ADGRG1: variants seen among roughly 807,000 people sequenced by gnomAD.
ADGRG1 encodes the protein 7-transmembrane protein with no EGF-like N-terminal domains-1.
A neutral mutation model predicts 73.5 loss-of-function variants in ADGRG1; 53 were observed. The observed-to-expected ratio is 0.72, with a 90% CI of 0.58 to 0.91. ADGRG1 has a LOEUF of 0.91. Ranked by LOEUF, ADGRG1 falls within the 40% of genes least tolerant of loss-of-function variation. The pLI, the probability that ADGRG1 is intolerant of heterozygous loss-of-function variation, is 0.00. For synonymous variants in ADGRG1, 394 were observed against 374.4 expected, an observed-to-expected ratio of 1.05 and a Z score of -0.60; for missense variants, 795 against 871.8, an observed-to-expected ratio of 0.91 and a Z score of 1.11.
intron 3 of ADGRG1, chr16:57,651,983 C>T: frequency 1.6e-6 from 2 of 1,235,370 alleles, no homozygotes; most frequent in Non-Finnish European, 2.0e-6. Flanking sequence ...GATCAAGAGC[C>T]CCAGGAAGAA....
At chr16:57,645,739 G>T (rs1302940984) in intron 1 of ADGRG1, among the ~76,000 whole-genome samples, 3 of 152,214 alleles carry the variant, frequency 2.0e-5, no homozygotes, top group African/African-American at 7.2e-5. Context: ...CTGTGAATCT[G>T]CATTTCAGCT....
rs1271221167 is a variant in ADGRG1, at chr16:57,653,492, G to GC, written c.620+163dup. The GC allele has an allele frequency of 3.0e-6, 3 of 985,104 alleles. No individual in the cohort carries two copies. In the African/African-American group the frequency reaches 5.2e-5, roughly 17 times the overall value. The allele number at this position is 985,104 out of a possible 1,614,324, so 61.0% of individuals were successfully genotyped here. On this transcript the variant is annotated intron_variant, in intron 4 of 13. Transcript: ENST00000562631. ...TTCTGCCTTCTGGGAGTCAACACAT[G>GC]CCCCCCAGGCTGAGCCCTCTCCTGT...
chr16:57,651,505 C>G lies in ADGRG1; in HGVS notation c.370C>G (p.His124Asp), dbSNP rs754843087. 6.2e-7 allele frequency: 1 copy of G among 1,614,234 alleles called. No homozygotes were observed. Among genetic ancestry groups the G allele is most frequent in the Non-Finnish European group, 8.5e-7 (1 of 1,180,026 alleles). The stretch of plus-strand genomic sequence containing the variant: ...AGCCTCTAGCCTCCTCTGCTTCCAG[C>G]ACCAGGAGGAGAGCCTGGCTCAGGG... ...DKASSLLCFQ[H>D]QEESLAQGPP... The change falls in exon 3 of 14, where the codon CAC becomes GAC. Residue 124 changes from histidine (H) to aspartate (D), a missense_variant. Physicochemically the swap from His to Asp is moderately conservative, Grantham distance 81. Coordinates refer to ENST00000562631, the MANE Select transcript of ADGRG1 (RefSeq NM_201525.4).
intron 1 of ADGRG1, chr16:57,635,555 T>G: frequency 1.0e-6 from 1 of 985,170 alleles, no homozygotes; most frequent in Non-Finnish European, 1.2e-6. Flanking sequence ...GAAACTGGAG[T>G]CAGAACCTTT....
chr16:57,660,928 G>A (rs542176941), intron 12 of ADGRG1, 52 bp downstream of exon 12: 2 of 1,090,036 alleles, frequency 1.8e-6, no homozygotes, highest in Non-Finnish European at 2.8e-6. Flanking sequence ...GGGCACAGAG[G>A]CCAGAGTGCA....
intron 1 of ADGRG1, chr16:57,630,392 G>C (rs1482200423): frequency 3.8e-5 from 37 of 985,710 alleles, no homozygotes; most frequent in Admixed American, 6.1e-5. Context: ...AGGGACCCGA[G>C]ATATGCACCC....
At chr16:57,644,005 T>C in intron 1 of ADGRG1, 1 of 985,272 alleles carries the variant, frequency 1.0e-6, no homozygotes, top group South Asian at 4.7e-5. Context: ...GATTTACTTT[T>C]ATTAAAAAAG....
intron 3 of ADGRG1, among the ~76,000 whole-genome samples, chr16:57,652,447 C>T (rs915907508): frequency 6.6e-6 from 1 of 152,110 alleles, no homozygotes; most frequent in Non-Finnish European, 1.5e-5. Flanking sequence ...GGCCCAGGCC[C>T]GTCAGTGGTG....
intron 1 of ADGRG1, chr16:57,642,337 A>G (rs2041048671): frequency 2.0e-6 from 2 of 985,142 alleles, no homozygotes; most frequent in South Asian, 9.4e-5. Flanking sequence ...AGGGATGATG[A>G]TGAGTGGCCC....
intron 1 of ADGRG1, chr16:57,646,289 C>A: frequency 1.3e-6 from 1 of 748,460 alleles, no homozygotes; most frequent in Non-Finnish European, 1.6e-6. Flanking sequence ...GTCCCCACTG[C>A]CCACCGTGCA....
chr16:57,634,044 G>A (rs1219010756), intron 1 of ADGRG1: 2 of 984,646 alleles, frequency 2.0e-6, no homozygotes, highest in Admixed American at 6.1e-5. Flanking sequence ...ACCTTTCAAA[G>A]GACCAGAGGC....
At chr16:57,642,190 A>G (rs1271897338) in intron 1 of ADGRG1, 36 of 985,282 alleles carry the variant, frequency 3.7e-5, no homozygotes, top group Non-Finnish European at 4.3e-5. Context: ...GGCCACGGCC[A>G]ACTTTAATGG....
intron 1 of ADGRG1, chr16:57,629,105 T>G: frequency 1.2e-6 from 1 of 848,658 alleles, no homozygotes; most frequent in Non-Finnish European, 1.4e-6. Flanking sequence ...TAAGTGTGGA[T>G]GTGTGCATCC....
chr16:57,651,506 A>AGGAAGCTCTT lies in ADGRG1; in HGVS notation c.371_372insGGAAGCTCTT (p.His124GlnfsTer165), dbSNP rs758764671. Reference sequence around the variant, plus strand: ...GCCTCTAGCCTCCTCTGCTTCCAGCACCAGGAGGAGAGCCTGGCTCAGGGC... The same window carrying AGGAAGCTCTT: ...GCCTCTAGCCTCCTCTGCTTCCAGCAGGAAGCTCTTCCAGGAGGAGAGCCTGGCTCAGGGC... On this transcript the variant is annotated frameshift_variant, in exon 3 of 14. Transcript: ENST00000562631. LOFTEE classifies it high-confidence loss of function. The AGGAAGCTCTT allele has an allele frequency of 6.2e-7, 1 of 1,614,188 alleles. No homozygotes were observed. The highest frequency in any genetic ancestry group is 8.5e-7 in the Non-Finnish European group (1 of 1,180,020).
intron 1 of ADGRG1, chr16:57,633,970 G>A: frequency 1.9e-6 from 1 of 527,722 alleles, no homozygotes; most frequent in Non-Finnish European, 2.4e-6. Context: ...CCCAGGTTTT[G>A]GAGTGAGTTA....
chr16:57,637,316 A>C (rs1254948309), intron 1 of ADGRG1: 2 of 985,024 alleles, frequency 2.0e-6, no homozygotes, highest in Non-Finnish European at 2.4e-6. Flanking sequence ...GGCAGCAATG[A>C]GCTATTGCAG....
At chr16:57,642,433 G>A in intron 1 of ADGRG1, 1 of 985,354 alleles carries the variant, frequency 1.0e-6, no homozygotes, top group African/African-American at 1.7e-5. Context: ...GAGGGGAGGG[G>A]GCTGGAGGTG....
chr16:57,657,715 G>GTATT (rs1422167796), intron 10 of ADGRG1, among the ~76,000 whole-genome samples: 1 of 152,060 alleles, frequency 6.6e-6, no homozygotes, highest in Non-Finnish European at 1.5e-5. Flanking sequence ...TGTCGACATT[G>GTATT]TATTTATTTA....
Position 57,663,483 on chromosome 16 carries a change from G to A in ADGRG1, c.1965G>A (p.Met655Ile), listed in dbSNP as rs139927249. 6 of 1,614,024 alleles carry A rather than the reference G, an allele frequency of 3.7e-6. No homozygotes were observed. The highest frequency in any genetic ancestry group is 3.3e-4 in the Middle Eastern group (2 of 6,062). The change falls in exon 14 of 14, where the codon ATG becomes ATA. Residue 655 changes from methionine to isoleucine, a missense_variant. By Grantham distance (10) the Met-to-Ile change is conservative. Transcript: ENST00000562631. ...GFLIFIWYWS[M>I]RLQARGGPSP... ...TCATCTTCATCTGGTACTGGTCCATGCGGCTGCAGGCCCGGGGTGGCCCCT... is the reference window on the plus strand; with the variant it reads ...TCATCTTCATCTGGTACTGGTCCATACGGCTGCAGGCCCGGGGTGGCCCCT...
Sources: gnomAD v4.1 joint callset for allele counts (sites outside exome capture counted in the v4.1 genomes callset) on GRCh38, gnomAD v4.1.1 for gene constraint, MANE v1.5 for transcripts, NCBI Gene and HGNC (gene_info 2026-07-23, HGNC 2026-07-21) for gene names.